Variants in PTPRT observed in about 807,000 individuals in gnomAD.
PTPRT encodes protein tyrosine phosphatase receptor type T.
In PTPRT, 56 loss-of-function variants were observed where a neutral mutation model predicts 176.8. The ratio of observed to expected loss-of-function variants is 0.32; its 90% CI spans 0.26 to 0.40. PTPRT has a LOEUF of 0.40. Ranked by LOEUF, PTPRT falls within the 10% of genes least tolerant of loss-of-function variation. The pLI is 1.00. For synonymous variants in PTPRT, 783 were observed against 739.0 expected, an observed-to-expected ratio of 1.06 and a Z score of -0.96; for missense variants, 1,540 against 1,908.2, an observed-to-expected ratio of 0.81 and a Z score of 3.60.
intron 1 of PTPRT, among the ~76,000 whole-genome samples, chr20:43,182,207 C>A (rs2015274903): frequency 6.6e-6 from 1 of 152,076 alleles, no homozygotes; most frequent in Admixed American, 6.6e-5. Context: ...CTCCTAGAAC[C>A]AACAGGATAA....
At chr20:42,194,439 G>A (rs1991119265) in intron 16 of PTPRT, among the ~76,000 whole-genome samples, 1 of 152,202 alleles carries the variant, frequency 6.6e-6, no homozygotes, top group Non-Finnish European at 1.5e-5. Flanking sequence ...CAGTAGGCAA[G>A]TTAATCTGTC....
intron 7 of PTPRT, among the ~76,000 whole-genome samples, chr20:42,485,443 G>A (rs1319101503): frequency 3.3e-5 from 5 of 152,180 alleles, no homozygotes; most frequent in African/African-American, 1.2e-4. Flanking sequence ...GTGAACAATA[G>A]GGCACTGGAA....
In PTPRT at chr20:42,448,258, G is replaced by T. The variant is rs779566022; in HGVS notation, c.1522C>A (p.Pro508Thr). Reference protein sequence around the residue: ...FEEKIYIQWKPPNETNGVITL... With the variant: ...FEEKIYIQWKTPNETNGVITL... ...ATGACCCCATTGGTCTCATTGGGAG[G>T]TTTCCACTGGATGTAGATCTTCTCC... Residue 508 changes from proline to threonine, a missense_variant, in exon 9 of 31, where the codon CCT (proline) becomes ACT (threonine). By Grantham distance (38) the Pro-to-Thr change is conservative (BLOSUM62 -1). Transcript: ENST00000373187. 2.5e-6 allele frequency: 4 copies of T among 1,613,394 alleles called. No homozygotes were observed. The African/African-American group carries it at 4.0e-5, about 16-fold the overall frequency.
intron 1 of PTPRT, among the ~76,000 whole-genome samples, chr20:42,898,668 G>A (rs1374728282): frequency 1.3e-5 from 2 of 152,240 alleles, no homozygotes; most frequent in Non-Finnish European, 2.9e-5. Context: ...GCCTCTGCCT[G>A]GTGCATTTGT....
At chr20:42,072,652 A>C (rs1422895199), downstream of PTPRT, 6 of 181,026 alleles carry the variant, frequency 3.3e-5, no homozygotes, top group African/African-American at 1.4e-4. Flanking sequence ...TGTAAGGATT[A>C]ACTTAAATAT....
chr20:42,211,124 A>C (rs1316561479), intron 15 of PTPRT, among the ~76,000 whole-genome samples: 1 of 152,216 alleles, frequency 6.6e-6, no homozygotes, highest in East Asian at 1.9e-4. Context: ...TCCCTTCCTT[A>C]CACCTTATAC....
At chr20:42,143,176 T>C (rs1233622807) in intron 17 of PTPRT, among the ~76,000 whole-genome samples, 2 of 152,108 alleles carry the variant, frequency 1.3e-5, no homozygotes, top group African/African-American at 2.4e-5. Context: ...AATCATCTGA[T>C]TCATGTATTA....
intron 17 of PTPRT, among the ~76,000 whole-genome samples, chr20:42,154,478 T>C (rs1371419709): frequency 2.0e-5 from 3 of 152,196 alleles, no homozygotes; most frequent in Middle Eastern, 3.2e-3. Context: ...GGTGTGTCCG[T>C]CCTGAGCTGG....
intron 16 of PTPRT, among the ~76,000 whole-genome samples, chr20:42,168,304 T>C (rs1427588148): frequency 2.0e-5 from 3 of 152,194 alleles, no homozygotes; most frequent in African/African-American, 7.2e-5. Context: ...ACTTTGAGCC[T>C]AAGGTCTTTA....
chr20:42,273,259 AG>A (rs2056970371), intron 13 of PTPRT, among the ~76,000 whole-genome samples: 1 of 152,172 alleles, frequency 6.6e-6, no homozygotes, highest in African/African-American at 2.4e-5. Flanking sequence ...CTTGTTGCCC[AG>A]GCTGGAGTGC....
intron 2 of PTPRT, among the ~76,000 whole-genome samples, chr20:42,835,629 C>T (rs987662899): frequency 1.2e-4 from 19 of 152,164 alleles, no homozygotes; most frequent in African/African-American, 4.6e-4. Flanking sequence ...CTGTTCTAGA[C>T]AAGAACTTTT....
At chr20:42,818,830 A>C (rs1339181058) in intron 2 of PTPRT, among the ~76,000 whole-genome samples, 1 of 152,202 alleles carries the variant, frequency 6.6e-6, no homozygotes, top group Non-Finnish European at 1.5e-5. Context: ...CTAAAATAAG[A>C]TATGCAGACA....
intron 2 of PTPRT, among the ~76,000 whole-genome samples, chr20:42,875,950 T>G (rs765983658): frequency 2.0e-5 from 3 of 152,204 alleles, no homozygotes; most frequent in Non-Finnish European, 4.4e-5. Context: ...TTTCAAGTAC[T>G]TAGGATAGTA....
the PTPRT span, among the ~76,000 whole-genome samples, chr20:42,049,257 A>G: frequency 1.3e-5 from 2 of 152,390 alleles, no homozygotes; most frequent in East Asian, 1.9e-4. Flanking sequence ...GACAATGCAC[A>G]TCGAAGCTGC....
At chr20:42,142,075 G>A in intron 17 of PTPRT, 73 bp from the exon 18 acceptor site, 1 of 1,288,698 alleles carries the variant, frequency 7.8e-7, no homozygotes. Flanking sequence ...GAACCAACAG[G>A]GCAAAGTAAG....
At chr20:42,378,561 C>G (rs144586610) in intron 9 of PTPRT, among the ~76,000 whole-genome samples, 1 of 152,302 alleles carries the variant, frequency 6.6e-6, no homozygotes, top group East Asian at 1.9e-4. Flanking sequence ...ACCCTGTAAT[C>G]CCAAAACTTG....
intron 1 of PTPRT, among the ~76,000 whole-genome samples, chr20:42,889,573 C>A (rs939964720): frequency 6.6e-5 from 10 of 152,188 alleles, no homozygotes; most frequent in African/African-American, 2.4e-4. Context: ...AATGTCCCTC[C>A]TACAGAAGAG....
intron 22 of PTPRT, among the ~76,000 whole-genome samples, chr20:42,114,934 A>G (rs950147392): frequency 6.6e-6 from 1 of 151,900 alleles, no homozygotes; most frequent in African/African-American, 2.4e-5. Context: ...GTGGATTTCT[A>G]TCTCCATCCT....
At chr20:43,019,604 C>G (rs536894937) in intron 1 of PTPRT, among the ~76,000 whole-genome samples, 8 of 137,354 alleles carry the variant, frequency 5.8e-5, no homozygotes, top group Middle Eastern at 3.8e-3. Context: ...GGCAACAGAG[C>G]GAGACACCGT....
Sources: gnomAD v4.1 joint callset for allele counts (sites outside exome capture counted in the v4.1 genomes callset) on GRCh38, gnomAD v4.1.1 for gene constraint, MANE v1.5 for transcripts, NCBI Gene and HGNC (gene_info 2026-07-23, HGNC 2026-07-21) for gene names.